ULK4: variants seen among roughly 807,000 people sequenced by gnomAD.
ULK4 encodes inactive serine/threonine-protein kinase ULK4.
A neutral mutation model predicts 160.6 loss-of-function variants in ULK4; 133 were observed. The observed-to-expected ratio is 0.83, with a 90% CI of 0.72 to 0.96. The LOEUF is 0.96. Ranked by LOEUF, ULK4 falls within the 40% of genes least tolerant of loss-of-function variation. The pLI, the probability that ULK4 is intolerant of heterozygous loss-of-function variation, is 0.00. For missense variants in ULK4, 1,580 were observed against 1,499.5 expected (o/e 1.05, Z -0.89); for synonymous variants, 534 against 539.8 (o/e 0.99, Z 0.15).
intron 30 of ULK4, among the ~76,000 whole-genome samples, chr3:41,635,402 TAAG>T (rs1011289842): frequency 2.0e-5 from 3 of 151,984 alleles, no homozygotes; most frequent in African/African-American, 7.2e-5. Context: ...AAATAATTAT[TAAG>T]AATTATAATT....
intron 34 of ULK4, among the ~76,000 whole-genome samples, chr3:41,439,648 G>C (rs1379805178): frequency 2.0e-5 from 3 of 152,124 alleles, no homozygotes; most frequent in African/African-American, 7.2e-5. Flanking sequence ...AGTAAGTCTT[G>C]AAATCAGAGT....
At chr3:41,651,863 C>T (rs904999994) in intron 30 of ULK4, among the ~76,000 whole-genome samples, 2 of 152,182 alleles carry the variant, frequency 1.3e-5, no homozygotes, top group African/African-American at 4.8e-5. Flanking sequence ...CTGCTAGCTT[C>T]CAACATAAGC....
chr3:41,918,580 C>T, intron 6 of ULK4, 40 bp from the exon 7 acceptor site: 6 of 886,782 alleles, frequency 6.8e-6, no homozygotes, highest in East Asian at 2.8e-5. Flanking sequence ...AAGAAGTCTG[C>T]TATCACCAAT....
intron 22 of ULK4, among the ~76,000 whole-genome samples, chr3:41,725,306 A>T (rs1056712212): frequency 6.6e-6 from 1 of 152,196 alleles, no homozygotes; most frequent in African/African-American, 2.4e-5. Context: ...CTTAGGAGTA[A>T]AAGTTTTTAT....
chr3:41,645,433 C>T (rs1161259114), intron 30 of ULK4, among the ~76,000 whole-genome samples: 1 of 151,934 alleles, frequency 6.6e-6, no homozygotes. Flanking sequence ...TTTATTTCTG[C>T]CTTTGTTTCG....
At chr3:41,648,557 T>A (rs1575526980) in intron 30 of ULK4, among the ~76,000 whole-genome samples, 1 of 152,194 alleles carries the variant, frequency 6.6e-6, no homozygotes, top group East Asian at 1.9e-4. Flanking sequence ...ATAGACCTCA[T>A]CAATTGCAAA....
At chr3:41,332,345 A>G (rs1360642209) in intron 35 of ULK4, among the ~76,000 whole-genome samples, 1 of 152,232 alleles carries the variant, frequency 6.6e-6, no homozygotes, top group African/African-American at 2.4e-5. Context: ...AAATGATTTT[A>G]GGAAAGTTCT....
chr3:41,642,890 G>C (rs942736551), intron 30 of ULK4, among the ~76,000 whole-genome samples: 5 of 152,158 alleles, frequency 3.3e-5, no homozygotes, highest in African/African-American at 1.2e-4. Context: ...ATTCTAACTG[G>C]TGTGAGATGG....
intron 32 of ULK4, among the ~76,000 whole-genome samples, chr3:41,486,129 G>A (rs758991916): frequency 3.3e-5 from 5 of 152,004 alleles, no homozygotes; most frequent in East Asian, 1.9e-4. Flanking sequence ...GCATGTGCAC[G>A]TATCTCATGA....
At chr3:41,267,984 G>A (rs892369581) in intron 35 of ULK4, among the ~76,000 whole-genome samples, 5 of 152,144 alleles carry the variant, frequency 3.3e-5, no homozygotes, top group South Asian at 2.1e-4. Flanking sequence ...TGGCACAGCC[G>A]ACTACTTCAC....
Position 41,630,842 on chromosome 3 carries a change from C to T in ULK4, c.3072-15125G>A, listed in dbSNP as rs74711129. On this transcript the variant is annotated intron_variant, in intron 30 of 36. Transcript: ENST00000301831. ...ACTTGTGTACCAACCAAAATAGAAG[C>T]TGGGCTTTGTTTAGCTTTCCAACAA... 8.7e-3 allele frequency among the ~76,000 whole-genome samples: 1,323 copies of T among 152,278 alleles called. 19 individuals are homozygous for T. The highest frequency in any genetic ancestry group is 0.03 in the African/African-American group (1,251 of 41,550).
chr3:41,482,509 A>G (rs954952767), intron 32 of ULK4, among the ~76,000 whole-genome samples: 1 of 152,200 alleles, frequency 6.6e-6, no homozygotes, highest in Non-Finnish European at 1.5e-5. Flanking sequence ...CTGGGACATA[A>G]AAATAGTTCT....
chr3:41,342,710 G>T (rs2080712403), intron 35 of ULK4, among the ~76,000 whole-genome samples: 2 of 152,176 alleles, frequency 1.3e-5, no homozygotes. Flanking sequence ...ACCTGGCAGA[G>T]ATACAACACA....
intron 35 of ULK4, among the ~76,000 whole-genome samples, chr3:41,299,537 G>A (rs2125709478): frequency 6.6e-6 from 1 of 152,322 alleles, no homozygotes; most frequent in African/African-American, 2.4e-5. Flanking sequence ...TGGCTGGCCT[G>A]CAGAATCATG....
chr3:41,911,336 C>T lies in ULK4; in HGVS notation c.1066G>A (p.Glu356Lys), dbSNP rs1190846320. The change falls in exon 11 of 37, where the codon GAA becomes AAA. Residue 356 changes from glutamate (E) to lysine (K), a missense_variant. Transcript: ENST00000301831. ...ACCTACCTGAGAAGAAACATGGATT[C>T]ATTCAATTGACCCTCAAGAGTACTC... is the stretch of plus-strand genomic sequence containing the variant. ...PKSTLEGQLN[E>K]SMFLLSSRPT... is the part of the protein sequence containing the mutation. 3.1e-6 allele frequency: 5 copies of T among 1,613,896 alleles called. No individual in the cohort carries two copies. Among genetic ancestry groups the T allele is most frequent in the Non-Finnish European group, 4.2e-6 (5 of 1,180,008 alleles).
chr3:41,840,795 C>T (rs930904153), intron 17 of ULK4, among the ~76,000 whole-genome samples: 3 of 152,032 alleles, frequency 2.0e-5, no homozygotes, highest in Non-Finnish European at 4.4e-5. Flanking sequence ...CCGGCTGCCA[C>T]TCCATCTGGG....
At chr3:41,453,923 A>G (rs2083478480) in intron 34 of ULK4, among the ~76,000 whole-genome samples, 1 of 150,722 alleles carries the variant, frequency 6.6e-6, no homozygotes, top group African/African-American at 2.4e-5. Context: ...AAACTATCAC[A>G]GGGACAAAAA....
chr3:41,692,103 C>T (rs551227754), intron 27 of ULK4, among the ~76,000 whole-genome samples: 14 of 151,500 alleles, frequency 9.2e-5, no homozygotes, highest in Non-Finnish European at 1.9e-4. Flanking sequence ...AGGCGCCCAC[C>T]ACCGCCCCCG....
intron 32 of ULK4, among the ~76,000 whole-genome samples, chr3:41,553,832 G>A (rs906832271): frequency 1.3e-4 from 20 of 151,962 alleles, no homozygotes; most frequent in South Asian, 4.1e-4. Context: ...ATAAAAAATC[G>A]AATTATACTC....
Sources: gnomAD v4.1 joint callset for allele counts (sites outside exome capture counted in the v4.1 genomes callset) on GRCh38, gnomAD v4.1.1 for gene constraint, MANE v1.5 for transcripts, NCBI Gene and HGNC (gene_info 2026-07-23, HGNC 2026-07-21) for gene names.